WIPF1: variants seen among roughly 807,000 people sequenced by gnomAD.
WIPF1 encodes WAS/WASL interacting protein family member 1, also known as WAS/WASL-interacting protein family member 1.
In WIPF1, 13 loss-of-function variants were observed where a neutral mutation model predicts 35.4. The observed-to-expected ratio is 0.37, with a 90% CI of 0.24 to 0.58. The LOEUF (loss-of-function observed/expected upper bound fraction) is 0.58, where lower values mean the gene tolerates loss of function less well. Among genes scored for constraint, WIPF1 ranks in the 20% least tolerant of loss-of-function variants. The probability of loss-of-function intolerance (pLI) is 0.74; values close to 1 mark genes in which losing one functional copy is unlikely to be tolerated. For missense variants in WIPF1, 591 were observed against 667.0 expected (o/e 0.89, Z 1.25); for synonymous variants, 267 against 266.3 (o/e 1.00, Z -0.02).
intron 1 of WIPF1, among the ~76,000 whole-genome samples, chr2:174,591,673 T>TACACACACAC (rs71407131): frequency 0.041 from 5,986 of 146,742 alleles, 162 homozygotes; most frequent in African/African-American, 0.067. Flanking sequence ...CTTTGTTGCT[T>TACACACACAC]ACACACACAC....
intron 1 of WIPF1, among the ~76,000 whole-genome samples, chr2:174,609,367 C>T (rs951572905): frequency 6.6e-6 from 1 of 152,130 alleles, no homozygotes; most frequent in African/African-American, 2.4e-5. Flanking sequence ...AAATGAAATA[C>T]TTTGTTTTGT....
chr2:174,680,885 A>C (rs1358500783), intron 1 of WIPF1, among the ~76,000 whole-genome samples: 1 of 152,218 alleles, frequency 6.6e-6, no homozygotes, highest in African/African-American at 2.4e-5. Flanking sequence ...CATACCCTGC[A>C]GTGGATGTAG....
At chr2:174,675,284 GTCT>G (rs2105992329) in intron 1 of WIPF1, among the ~76,000 whole-genome samples, 1 of 152,156 alleles carries the variant, frequency 6.6e-6, no homozygotes, top group African/African-American at 2.4e-5. Context: ...CCATTTTCTT[GTCT>G]TCTTTATAGC....
chr2:174,603,755 T>A (rs1245609639), intron 1 of WIPF1, among the ~76,000 whole-genome samples: 1 of 152,152 alleles, frequency 6.6e-6, no homozygotes, highest in South Asian at 2.1e-4. Context: ...ATTTGGAGAC[T>A]TGCAGGTTGG....
In WIPF1 at chr2:174,571,500, C is replaced by G; in HGVS notation, c.1129+176G>C. ...AACACCAACAGAAATATTGGTCCCA[C>G]TTTCCCCCGGGGTTTACACGAGGTC... is the stretch of plus-strand genomic sequence containing the variant. On this transcript the variant is annotated intron_variant, in intron 5 of 7. Coordinates refer to ENST00000679041, the MANE Select transcript of WIPF1 (RefSeq NM_001375834.1). This position sits in a 1 kb window ranked among gnomAD's most constrained non-coding sequence, Gnocchi z 4.6. The G allele has an allele frequency of 1.2e-6, 1 of 827,378 alleles. No homozygotes were observed. 51.3% of individuals were successfully genotyped at this position (827,378 alleles called of 1,614,324 possible).
At chr2:174,604,174 T>C (rs955827696) in intron 1 of WIPF1, among the ~76,000 whole-genome samples, 2 of 152,220 alleles carry the variant, frequency 1.3e-5, no homozygotes, top group African/African-American at 4.8e-5. Flanking sequence ...CTACAGTTGG[T>C]ATTGTTTGTG....
At chr2:174,646,034 T>C (rs1286377685) in intron 1 of WIPF1, among the ~76,000 whole-genome samples, 1 of 152,218 alleles carries the variant, frequency 6.6e-6, no homozygotes, top group Non-Finnish European at 1.5e-5. Context: ...GACACCATCT[T>C]ACATTTGGTG....
intron 1 of WIPF1, among the ~76,000 whole-genome samples, chr2:174,603,328 G>T (rs1487542041): frequency 6.6e-6 from 1 of 152,166 alleles, no homozygotes; most frequent in Non-Finnish European, 1.5e-5. Context: ...CATTAGCAAT[G>T]CAAAGACTCT....
intron 5 of WIPF1, 72 bp from the exon 6 acceptor site, chr2:174,568,145 C>T: frequency 6.7e-7 from 1 of 1,496,092 alleles, no homozygotes; most frequent in South Asian, 1.3e-5. Context: ...CATTGGTGTA[C>T]AGCTGATGAG....
At chr2:174,620,672 G>A (rs1243864488) in intron 1 of WIPF1, among the ~76,000 whole-genome samples, 1 of 152,150 alleles carries the variant, frequency 6.6e-6, no homozygotes, top group Non-Finnish European at 1.5e-5. Context: ...GTAGTAAAAG[G>A]GGGCAGAGTA....
intron 1 of WIPF1, among the ~76,000 whole-genome samples, chr2:174,639,624 G>T (rs1422699024): frequency 6.6e-6 from 1 of 152,094 alleles, no homozygotes; most frequent in African/African-American, 2.4e-5. Flanking sequence ...CCCCTTGTCA[G>T]ATGTATGGTT....
intron 1 of WIPF1, among the ~76,000 whole-genome samples, chr2:174,682,532 G>A (rs1464103348): frequency 6.6e-6 from 1 of 152,006 alleles, no homozygotes. Context: ...TTCCTCCCCG[G>A]GCCATCAGCG....
chr2:174,629,328 C>T (rs28485554), intron 1 of WIPF1, among the ~76,000 whole-genome samples: 106,748 of 151,752 alleles, frequency 0.7, 38,442 homozygotes, highest in East Asian at 0.97. Context: ...ACCTCTTAAA[C>T]AGTTTTATTC....
intron 1 of WIPF1, among the ~76,000 whole-genome samples, chr2:174,671,635 G>A (rs1327894676): frequency 3.3e-5 from 5 of 152,116 alleles, no homozygotes; most frequent in Non-Finnish European, 5.9e-5. Context: ...GAAAGAGAAT[G>A]CATTCCCAGG....
chr2:174,574,638 C>T, intron 4 of WIPF1: 1 of 434,080 alleles, frequency 2.3e-6, no homozygotes. Context: ...TTTTTTCTAC[C>T]ATCAGGTTCA....
At chr2:174,611,376 AAAAC>A (rs1208796785) in intron 1 of WIPF1, among the ~76,000 whole-genome samples, 2 of 152,186 alleles carry the variant, frequency 1.3e-5, no homozygotes, top group Admixed American at 6.5e-5. Flanking sequence ...AACAAAAACA[AAAAC>A]AAACAAACAA....
intron 1 of WIPF1, among the ~76,000 whole-genome samples, chr2:174,595,742 C>T (rs1195557219): frequency 6.6e-6 from 1 of 152,148 alleles, no homozygotes; most frequent in African/African-American, 2.4e-5. Flanking sequence ...TCAAATTTCT[C>T]AGAAAAGCAT....
At chr2:174,640,760 G>A (rs969213029) in intron 1 of WIPF1, among the ~76,000 whole-genome samples, 20 of 151,418 alleles carry the variant, frequency 1.3e-4, no homozygotes, top group East Asian at 2.0e-4. Flanking sequence ...ATCCCTCCCC[G>A]CTTTAATTTT....
intron 1 of WIPF1, among the ~76,000 whole-genome samples, chr2:174,594,128 A>G (rs773338675): frequency 6.6e-6 from 1 of 152,254 alleles, no homozygotes; most frequent in Non-Finnish European, 1.5e-5. Flanking sequence ...TTGAAAAACA[A>G]TACTTCAGCA....
Sources: gnomAD v4.1 joint callset for allele counts (sites outside exome capture counted in the v4.1 genomes callset) on GRCh38, gnomAD v4.1.1 for gene constraint, Gnocchi (gnomAD v3.1) non-coding constraint, MANE v1.5 for transcripts, NCBI Gene and HGNC (gene_info 2026-07-23, HGNC 2026-07-21) for gene names.